The following ZNF804A variants were observed in gnomAD, a reference collection of about 807,000 sequenced individuals.
ZNF804A encodes zinc finger protein 804A.
Under a neutral mutation model 16.5 loss-of-function variants are expected in ZNF804A, and 2 were observed. The observed-to-expected ratio is 0.12, with a 90% CI of 0.05 to 0.38. The LOEUF (loss-of-function observed/expected upper bound fraction) is 0.38. ZNF804A is among the 10% of genes least tolerant of loss of function. ZNF804A has a pLI of 0.99. For missense variants in ZNF804A, 1,473 were observed against 1,390.7 expected (o/e 1.06, Z -0.94); for synonymous variants, 534 against 489.6 (o/e 1.09, Z -1.20).
At chr2:184,932,826 G>A (rs1183347909) in intron 2 of ZNF804A, among the ~76,000 whole-genome samples, 1 of 152,032 alleles carries the variant, frequency 6.6e-6, no homozygotes, top group African/African-American at 2.4e-5. Flanking sequence ...AATTATGTTC[G>A]AGTTGGCATG....
At chr2:184,754,266 C>T (rs1385857682) in intron 1 of ZNF804A, among the ~76,000 whole-genome samples, 2 of 151,890 alleles carry the variant, frequency 1.3e-5, no homozygotes, top group Non-Finnish European at 2.9e-5. Context: ...TCTAATTTAG[C>T]ACATTTAATG....
chr2:184,694,866 T>G (rs1692802154), intron 1 of ZNF804A, among the ~76,000 whole-genome samples: 1 of 152,226 alleles, frequency 6.6e-6, no homozygotes. Flanking sequence ...AAAGGTGTCT[T>G]GTCAGTCGGA....
At chr2:184,807,728 A>G (rs148276455) in intron 1 of ZNF804A, among the ~76,000 whole-genome samples, 10 of 151,910 alleles carry the variant, frequency 6.6e-5, no homozygotes, top group African/African-American at 2.4e-4. Context: ...CTGATGAGTA[A>G]GACTGTCATT....
At chr2:184,622,314 C>A (rs2105680723) in intron 1 of ZNF804A, among the ~76,000 whole-genome samples, 1 of 151,824 alleles carries the variant, frequency 6.6e-6, no homozygotes, top group African/African-American at 2.4e-5. Flanking sequence ...CCTTTCTCCA[C>A]AGTGTGAATT....
At chr2:184,752,256 A>C (rs1693887453) in intron 1 of ZNF804A, among the ~76,000 whole-genome samples, 2 of 151,770 alleles carry the variant, frequency 1.3e-5, no homozygotes, top group South Asian at 4.1e-4. Flanking sequence ...TTGACTGAAT[A>C]AAGATAATGT....
chr2:184,734,248 G>T lies in ZNF804A; in HGVS notation c.112-132121G>T, dbSNP rs78053593. On this transcript the variant is annotated intron_variant, in intron 1 of 3. Coordinates refer to ENST00000302277, the MANE Select transcript of ZNF804A (RefSeq NM_194250.2). ...ATTTCCTATTTTTCTATTTTCCTAAGGTGGAAGCTTAGATTGTTGAATTTT... is the reference window on the plus strand; with the variant it reads ...ATTTCCTATTTTTCTATTTTCCTAATGTGGAAGCTTAGATTGTTGAATTTT... Among the ~76,000 whole-genome samples, 1,108 of 152,024 alleles carry T rather than the reference G, an allele frequency of 7.3e-3. 18 individuals are homozygous for T. Among genetic ancestry groups the T allele is most frequent in the African/African-American group, 0.025 (1,047 of 41,500 alleles).
chr2:184,923,300 T>G (rs1685560005), intron 2 of ZNF804A, among the ~76,000 whole-genome samples: 2 of 152,000 alleles, frequency 1.3e-5, no homozygotes, highest in South Asian at 4.1e-4. Context: ...TTTATTTTAT[T>G]TGGAGCTATT....
intron 1 of ZNF804A, among the ~76,000 whole-genome samples, chr2:184,776,982 G>C (rs912253143): frequency 1.3e-5 from 2 of 151,568 alleles, no homozygotes; most frequent in African/African-American, 4.8e-5. Context: ...GGTGGCTATG[G>C]TTAGCAATGT....
intron 1 of ZNF804A, among the ~76,000 whole-genome samples, chr2:184,834,967 T>G (rs1695320652): frequency 6.6e-6 from 1 of 152,168 alleles, no homozygotes; most frequent in African/African-American, 2.4e-5. Context: ...GTAAGTCATG[T>G]TGAACTGTAT....
chr2:184,699,756 A>C (rs1157825546), intron 1 of ZNF804A, among the ~76,000 whole-genome samples: 2 of 152,144 alleles, frequency 1.3e-5, no homozygotes, highest in African/African-American at 4.8e-5. Context: ...GTTTAATGCC[A>C]GGTAATATTG....
intron 1 of ZNF804A, among the ~76,000 whole-genome samples, chr2:184,792,332 G>A (rs759423735): frequency 3.3e-5 from 5 of 152,176 alleles, no homozygotes; most frequent in Non-Finnish European, 7.3e-5. Flanking sequence ...AGAATTTGGT[G>A]TTGTCAATGT....
At chr2:184,660,047 G>C (rs1692144618) in intron 1 of ZNF804A, among the ~76,000 whole-genome samples, 1 of 152,124 alleles carries the variant, frequency 6.6e-6, no homozygotes, top group African/African-American at 2.4e-5. Context: ...GGAGTTCAAG[G>C]CTGCAGTGAG....
chr2:184,880,094 T>G (rs1216524134), intron 2 of ZNF804A, among the ~76,000 whole-genome samples: 2 of 152,094 alleles, frequency 1.3e-5, no homozygotes, highest in Non-Finnish European at 2.9e-5. Flanking sequence ...TGTTAAAATT[T>G]ATTGATCATA....
chr2:184,831,807 CTTG>C (rs1695265765), intron 1 of ZNF804A, among the ~76,000 whole-genome samples: 1 of 151,658 alleles, frequency 6.6e-6, no homozygotes, highest in Non-Finnish European at 1.5e-5. Flanking sequence ...AGTGTACACT[CTTG>C]GAAAGAGTTT....
intron 1 of ZNF804A, among the ~76,000 whole-genome samples, chr2:184,626,857 A>G (rs975150892): frequency 6.6e-6 from 1 of 152,182 alleles, no homozygotes; most frequent in Non-Finnish European, 1.5e-5. Context: ...AACAATTGGG[A>G]TGGGTATGAG....
intron 1 of ZNF804A, among the ~76,000 whole-genome samples, chr2:184,725,700 A>G (rs1402262389): frequency 6.6e-6 from 1 of 151,452 alleles, no homozygotes; most frequent in East Asian, 1.9e-4. Context: ...ACATAGGTAA[A>G]TTTGTGTAAC....
intron 1 of ZNF804A, among the ~76,000 whole-genome samples, chr2:184,705,674 A>T (rs1355607830): frequency 6.6e-6 from 1 of 152,058 alleles, no homozygotes; most frequent in Non-Finnish European, 1.5e-5. Flanking sequence ...CAGATAGTTT[A>T]TATGGACTAT....
Position 184,655,017 on chromosome 2 carries a change from T to A in ZNF804A, c.111+55947T>A, listed in dbSNP as rs184734495. On this transcript the variant is annotated intron_variant, in intron 1 of 3. Coordinates refer to ENST00000302277, the MANE Select transcript of ZNF804A (RefSeq NM_194250.2). Reference sequence around the variant, plus strand: ...AAATATGGAGCAATGAGATTATACATCTCTACTCATTACAATGAGTTGAGA... The same window carrying A: ...AAATATGGAGCAATGAGATTATACAACTCTACTCATTACAATGAGTTGAGA... Among the ~76,000 whole-genome samples, 8 of 152,338 alleles carry A rather than the reference T, an allele frequency of 5.3e-5. No individual in the cohort carries two copies. The East Asian group carries it at 1.4e-3, about 26-fold the overall frequency.
intron 1 of ZNF804A, among the ~76,000 whole-genome samples, chr2:184,685,515 C>T (rs1232789951): frequency 2.6e-5 from 4 of 152,096 alleles, no homozygotes; most frequent in East Asian, 3.9e-4. Context: ...ATGAGGTATG[C>T]GGACAATTGG....
Sources: gnomAD v4.1 joint callset for allele counts (sites outside exome capture counted in the v4.1 genomes callset) on GRCh38, gnomAD v4.1.1 for gene constraint, MANE v1.5 for transcripts, NCBI Gene and HGNC (gene_info 2026-07-23, HGNC 2026-07-21) for gene names.